Variants in DAPP1 observed in about 807,000 individuals in gnomAD.
DAPP1 encodes the protein dual adaptor of phosphotyrosine and 3-phosphoinositides 1.
In DAPP1, 20 loss-of-function variants were observed where a neutral mutation model predicts 41.5. That is an observed-to-expected ratio of 0.48 (90% confidence interval 0.34 to 0.70). DAPP1 has a LOEUF of 0.70. Ranked by LOEUF, DAPP1 falls within the 30% of genes least tolerant of loss-of-function variation. The pLI, the probability that DAPP1 is intolerant of heterozygous loss-of-function variation, is 0.01. For synonymous variants in DAPP1, 113 were observed against 116.2 expected, an observed-to-expected ratio of 0.97 and a Z score of 0.18; for missense variants, 233 against 333.4, an observed-to-expected ratio of 0.70 and a Z score of 2.35.
chr4:99,862,643 TTGTTA>T (rs1265382643), intron 5 of DAPP1, among the ~76,000 whole-genome samples: 3 of 152,172 alleles, frequency 2.0e-5, no homozygotes, highest in Non-Finnish European at 4.4e-5. Flanking sequence ...TTGTAGTGGT[TTGTTA>T]TAAGTCACAT....
intron 5 of DAPP1, among the ~76,000 whole-genome samples, chr4:99,862,171 C>T (rs1423324634): frequency 2.0e-5 from 3 of 152,118 alleles, no homozygotes; most frequent in Non-Finnish European, 4.4e-5. Flanking sequence ...TGCTCCTTCT[C>T]GTTTTAAGAG....
At chr4:99,862,702 A>G (rs1186053619) in intron 5 of DAPP1, among the ~76,000 whole-genome samples, 1 of 151,084 alleles carries the variant, frequency 6.6e-6, no homozygotes, top group Non-Finnish European at 1.5e-5. Context: ...TTAAAAATAT[A>G]CTAATGATAT....
At chr4:99,848,192 T>G (rs1179254206) in intron 3 of DAPP1, among the ~76,000 whole-genome samples, 1 of 151,374 alleles carries the variant, frequency 6.6e-6, no homozygotes, top group African/African-American at 2.4e-5. Flanking sequence ...ATTTTGTTTT[T>G]AAGTGAGTAG....
Position 99,854,159 on chromosome 4 carries a change from C to G in DAPP1, c.489+811C>G, listed in dbSNP as rs1426540483. Reference sequence around the variant, plus strand: ...TGCAACGTGAGCCATTGTTCAATTTCAGTGCAATTGGAGCACTCATTGTTT... The same window carrying G: ...TGCAACGTGAGCCATTGTTCAATTTGAGTGCAATTGGAGCACTCATTGTTT... On this transcript the variant is annotated intron_variant, in intron 4 of 8. Transcript: ENST00000512369. 2.6e-5 allele frequency among the ~76,000 whole-genome samples: 4 copies of G among 152,248 alleles called. No homozygotes were observed. The South Asian group carries it at 6.2e-4, about 24-fold the overall frequency.
chr4:99,866,772 T>A (rs1296045021), intron 8 of DAPP1, among the ~76,000 whole-genome samples: 1 of 146,758 alleles, frequency 6.8e-6, no homozygotes, highest in Non-Finnish European at 1.5e-5. Context: ...TTCTATTTTT[T>A]TTTTTTTTTT....
chr4:99,863,611 TC>T (rs1338638342), intron 6 of DAPP1, among the ~76,000 whole-genome samples, 158 bp from the exon 7 acceptor site: 1 of 152,090 alleles, frequency 6.6e-6, no homozygotes, highest in Non-Finnish European at 1.5e-5. Flanking sequence ...ACCAAGGACT[TC>T]CCTTGGTAGG....
intron 4 of DAPP1, among the ~76,000 whole-genome samples, chr4:99,856,068 A>G (rs1374234405): frequency 6.6e-6 from 1 of 152,208 alleles, no homozygotes. Flanking sequence ...GATAGGATTA[A>G]ATTTAATTAA....
Position 99,866,060 on chromosome 4 carries a change from A to G in DAPP1, c.713A>G (p.Tyr238Cys), listed in dbSNP as rs1398470642. The change falls in exon 8 of 9, where the codon TAT (tyrosine) becomes TGT (cysteine). Residue 238 changes from tyrosine (Y) to cysteine (C), a missense_variant. Physicochemically the swap from Tyr to Cys is radical, Grantham distance 194. Transcript: ENST00000512369. ...TTGGTATTTCCATTCAGGACATTTT[A>G]TCTCTGTGCAAAGACCGGAGTAGAA... ...FCLVFPFRTFYLCAKTGVEAD... is the reference protein window; with the variant it reads ...FCLVFPFRTFCLCAKTGVEAD... 3.2e-6 allele frequency: 5 copies of G among 1,582,808 alleles called. No individual in the cohort carries two copies. Among genetic ancestry groups the G allele is most frequent in the Non-Finnish European group, 4.3e-6 (5 of 1,161,782 alleles).
At position 99,840,432 on chromosome 4, in the gene DAPP1, G is replaced by A. The variant is rs1428059545; in HGVS notation, c.358+10G>A. On this transcript the variant is annotated intron_variant, in intron 3 of 8. Transcript: ENST00000512369. ...ATTGGAAGCGAGACAGGTAAGCTAT[G>A]AGCAGACACTTGACTTATGAAATAA... is the stretch of plus-strand genomic sequence containing the variant. 4 of 1,608,136 alleles carry A rather than the reference G, an allele frequency of 2.5e-6. No homozygotes were observed. Among genetic ancestry groups the A allele is most frequent in the South Asian group, 1.1e-5 (1 of 89,728 alleles).
At chr4:99,836,668 G>A (rs1723310089) in intron 2 of DAPP1, among the ~76,000 whole-genome samples, 1 of 152,182 alleles carries the variant, frequency 6.6e-6, no homozygotes, top group African/African-American at 2.4e-5. Flanking sequence ...AGTCTACACG[G>A]TCACTACTGG....
Position 99,852,495 on chromosome 4 carries a change from T to C in DAPP1, c.359-723T>C, listed in dbSNP as rs557382609. Among the ~76,000 whole-genome samples, 426 of 152,242 alleles carry C rather than the reference T, an allele frequency of 2.8e-3. 4 individuals are homozygous for C. Among genetic ancestry groups the C allele is most frequent in the African/African-American group, 1.0e-2 (415 of 41,552 alleles). On this transcript the variant is annotated intron_variant, in intron 3 of 8. Transcript: ENST00000512369. ...TGGAACAAAGTTCCCCAGCCCCCCA[T>C]GCCTGGACCCCCTGGGCTGAGCCCT...
chr4:99,835,020 T>G (rs1270330925), intron 1 of DAPP1, among the ~76,000 whole-genome samples: 2 of 152,044 alleles, frequency 1.3e-5, no homozygotes, highest in Admixed American at 6.5e-5. Context: ...TCATTTTTTT[T>G]TTTTTTGAGA....
chr4:99,824,815 A>C (rs1006607351), intron 1 of DAPP1, among the ~76,000 whole-genome samples: 3 of 152,166 alleles, frequency 2.0e-5, no homozygotes, highest in Non-Finnish European at 2.9e-5. Flanking sequence ...GGTTTTTTCC[A>C]ATCCAAATAA....
intron 5 of DAPP1, among the ~76,000 whole-genome samples, chr4:99,862,689 T>C (rs964922395): frequency 5.9e-5 from 9 of 152,164 alleles, no homozygotes; most frequent in Non-Finnish European, 1.3e-4. Flanking sequence ...ATTCTTTTTG[T>C]ATTTAAAAAT....
Position 99,863,030 on chromosome 4 carries a change from T to C in DAPP1, c.558T>C (p.Phe186=). The C allele has an allele frequency of 1.3e-6, 2 of 1,592,930 alleles. No individual in the cohort carries two copies. The highest frequency in any genetic ancestry group is 1.7e-6 in the Non-Finnish European group (2 of 1,173,452). ...GLVKTWKTRW[F]TLHRNELKYF... Reference sequence around the variant, plus strand: ...CTCAGACCTGGAAAACAAGATGGTTTACTCTGCACAGGAATGAACTGAAAT... The same window carrying C: ...CTCAGACCTGGAAAACAAGATGGTTCACTCTGCACAGGAATGAACTGAAAT... Residue 186 remains phenylalanine (F), a synonymous_variant, in exon 6 of 9, where the codon TTT becomes TTC. Coordinates refer to ENST00000512369, the MANE Select transcript of DAPP1 (RefSeq NM_014395.3).
chr4:99,821,702 G>A (rs1722780700), intron 1 of DAPP1, among the ~76,000 whole-genome samples: 1 of 151,996 alleles, frequency 6.6e-6, no homozygotes, highest in African/African-American at 2.4e-5. Context: ...GTAACCTCCT[G>A]GTTTTCATCA....
At chr4:99,839,111 C>G (rs1364873317) in intron 2 of DAPP1, among the ~76,000 whole-genome samples, 1 of 152,090 alleles carries the variant, frequency 6.6e-6, no homozygotes, top group Non-Finnish European at 1.5e-5. Context: ...AAGGTGTGGT[C>G]CCCAGACCAG....
At position 99,869,938 on chromosome 4, in the gene DAPP1, A is replaced by G. The variant is rs575518544; in HGVS notation, c.*1753A>G. 27 of 151,398 alleles carry G rather than the reference A, an allele frequency of 1.8e-4. No individual in the cohort carries two copies. Among genetic ancestry groups the G allele is most frequent in the African/African-American group, 5.6e-4 (23 of 41,330 alleles). The allele number at this position is 151,398 out of a possible 1,614,324, so 9.4% of individuals were successfully genotyped here. On this transcript the variant is annotated 3_prime_UTR_variant, in exon 9 of 9. Coordinates refer to ENST00000512369, the MANE Select transcript of DAPP1 (RefSeq NM_014395.3). ...GAGTCAGACTCCGTCCCAAAAAAAC[A>G]AACAAACAAAACAAAACAAAAAAAA...
chr4:99,825,045 T>G (rs554856581), intron 1 of DAPP1, among the ~76,000 whole-genome samples: 1 of 152,284 alleles, frequency 6.6e-6, no homozygotes, highest in South Asian at 2.1e-4. Flanking sequence ...GCTCTGTGGA[T>G]TTTTCTTTAT....
Sources: allele counts gnomAD v4.1 joint callset (sites outside exome capture counted in the v4.1 genomes callset), GRCh38; gene constraint gnomAD v4.1.1; transcripts MANE v1.5; gene names NCBI Gene and HGNC (gene_info 2026-07-23, HGNC 2026-07-21).